The following ME1 variants were observed in gnomAD, a reference collection of about 807,000 sequenced individuals.
ME1 encodes NADP-dependent malic enzyme.
ME1 carries 74 observed loss-of-function variants against 66.4 expected under a neutral mutation model. The observed-to-expected ratio is 1.11, with a 90% CI of 0.92 to 1.35. ME1 has a LOEUF of 1.35. Ranked by LOEUF, ME1 falls within the 40% of genes most tolerant of loss-of-function variation. The probability of loss-of-function intolerance (pLI) is 0.00; values close to 1 mark genes in which losing one functional copy is unlikely to be tolerated. For missense variants in ME1, 750 were observed against 694.1 expected, an observed-to-expected ratio of 1.08 and a Z score of -0.90; for synonymous variants, 251 against 235.6, an observed-to-expected ratio of 1.07 and a Z score of -0.60.
At chr6:83,257,604 C>T (rs1463060998) in intron 6 of ME1, among the ~76,000 whole-genome samples, 2 of 152,096 alleles carry the variant, frequency 1.3e-5, no homozygotes, top group Non-Finnish European at 2.9e-5. Context: ...ATGTATGATG[C>T]CGTTTATCCT....
intron 4 of ME1, among the ~76,000 whole-genome samples, chr6:83,349,056 A>G (rs1337213846): frequency 6.7e-6 from 1 of 150,312 alleles, no homozygotes; most frequent in East Asian, 1.9e-4. Context: ...TTTATTCCCT[A>G]AGTTCTTCTC....
At chr6:83,279,284 C>G (rs955865785) in intron 6 of ME1, among the ~76,000 whole-genome samples, 1 of 152,070 alleles carries the variant, frequency 6.6e-6, no homozygotes, top group African/African-American at 2.4e-5. Flanking sequence ...TAATTGTCAA[C>G]AAAATTACAA....
intron 3 of ME1, among the ~76,000 whole-genome samples, chr6:83,365,033 A>G (rs535434847): frequency 6.6e-6 from 1 of 152,076 alleles, no homozygotes; most frequent in East Asian, 1.9e-4. Context: ...CTGCCCTCCT[A>G]CACAGATTCT....
chr6:83,226,326 C>T (rs1237683479), intron 11 of ME1, among the ~76,000 whole-genome samples: 1 of 152,060 alleles, frequency 6.6e-6, no homozygotes, highest in East Asian at 1.9e-4. Flanking sequence ...ACCCTTGAGG[C>T]CTGTTGAGAT....
chr6:83,229,938 T>G (rs996009181), intron 9 of ME1, among the ~76,000 whole-genome samples: 1 of 152,174 alleles, frequency 6.6e-6, no homozygotes, highest in African/African-American at 2.4e-5. Context: ...TCCTCCCACC[T>G]AAGCCTCTCT....
chr6:83,345,184 T>C (rs1768664259), intron 5 of ME1, among the ~76,000 whole-genome samples: 1 of 152,144 alleles, frequency 6.6e-6, no homozygotes, highest in African/African-American at 2.4e-5. Flanking sequence ...AATGTTAATG[T>C]TCAATGTATA....
chr6:83,353,555 T>TTGTG lies in ME1; in HGVS notation c.363-1420_363-1417dup, dbSNP rs552972210. Among the ~76,000 whole-genome samples the TTGTG allele has an allele frequency of 8.6e-4, 129 of 150,580 alleles. 1 individual carries two copies. Among genetic ancestry groups the TTGTG allele is most frequent in the Non-Finnish European group, 1.4e-3 (94 of 67,480 alleles). ...GGTTTCCACTTAGTTGTTGTTGTTGTTGTGTGTGTGTGTGTGTGGTTTTGT... is the reference window on the plus strand; with the variant it reads ...GGTTTCCACTTAGTTGTTGTTGTTGTTGTGTGTGTGTGTGTGTGTGTGGTTTTGT... On this transcript the variant is annotated intron_variant, in intron 3 of 13. Coordinates refer to ENST00000369705, the MANE Select transcript of ME1 (RefSeq NM_002395.6).
chr6:83,292,196 G>T (rs1168317835), intron 6 of ME1, among the ~76,000 whole-genome samples: 4 of 152,130 alleles, frequency 2.6e-5, no homozygotes, highest in Non-Finnish European at 5.9e-5. Context: ...TGGAGAAGAG[G>T]TGTTCTGTTT....
At position 83,216,550 on chromosome 6, in the gene ME1, A is replaced by G; in HGVS notation, c.1496T>C (p.Leu499Pro). Residue 499 changes from leucine (L) to proline (P), a missense_variant, in exon 13 of 14, where the codon CTT (leucine) becomes CCT (proline). Leu to Pro is a moderately conservative substitution (Grantham distance 98). Transcript: ENST00000369705. Reference sequence around the variant, plus strand: ...TCTAATGGTATTCAAAGGAGGATAAAGCCGACCCTCTTCCAAGTGTTTATC... The same window carrying G: ...TCTAATGGTATTCAAAGGAGGATAAGGCCGACCCTCTTCCAAGTGTTTATC... ...VSDKHLEEGR[L>P]YPPLNTIRDV... The G allele has an allele frequency of 1.2e-6, 2 of 1,611,994 alleles. No individual in the cohort carries two copies. Among genetic ancestry groups the G allele is most frequent in the South Asian group, 2.2e-5 (2 of 90,604 alleles).
At chr6:83,373,314 C>CA (rs1345074804) in intron 3 of ME1, among the ~76,000 whole-genome samples, 3 of 152,194 alleles carry the variant, frequency 2.0e-5, no homozygotes, top group African/African-American at 7.2e-5. Context: ...CAGCTCACTG[C>CA]AACCCGTACC....
At chr6:83,408,673 A>C (rs2128552136) in intron 1 of ME1, among the ~76,000 whole-genome samples, 1 of 152,356 alleles carries the variant, frequency 6.6e-6, no homozygotes, top group South Asian at 2.1e-4. Context: ...TGATGCATAA[A>C]CCATAATGGA....
intron 10 of ME1, among the ~76,000 whole-genome samples, chr6:83,228,043 C>G (rs1180240): frequency 0.48 from 72,922 of 152,028 alleles, 18,536 homozygotes; most frequent in African/African-American, 0.66. Context: ...GTAAGTACTT[C>G]TTTTATTGTA....
chr6:83,352,245 C>A, intron 3 of ME1, 106 bp from the exon 4 acceptor site: 1 of 589,168 alleles, frequency 1.7e-6, no homozygotes, highest in African/African-American at 2.0e-5. Flanking sequence ...TAATTTATCT[C>A]AATTTTTATC....
Position 83,237,741 on chromosome 6 carries a change from A to C in ME1, c.1002T>G (p.Val334=). The C allele has an allele frequency of 6.2e-7, 1 of 1,603,248 alleles. No homozygotes were observed. The highest frequency in any genetic ancestry group is 1.1e-5 in the South Asian group (1 of 89,862). The change falls in exon 9 of 14, where the codon GTT becomes GTG. Residue 334 remains valine, a synonymous_variant. Transcript: ENST00000369705. ...KEKAIKKIWL[V]DSKGLIVKGR... ...CCTTAACTATTAATCCTTTTGAATCAACCAGCCATATCTTTTTGATGGCTT... is the reference window on the plus strand; with the variant it reads ...CCTTAACTATTAATCCTTTTGAATCCACCAGCCATATCTTTTTGATGGCTT...
intron 5 of ME1, among the ~76,000 whole-genome samples, chr6:83,316,328 T>C (rs1205535723): frequency 6.6e-6 from 1 of 152,202 alleles, no homozygotes. Flanking sequence ...ATATCACTTT[T>C]ATTAAATCAG....
chr6:83,218,851 A>G (rs1790038270), intron 12 of ME1, among the ~76,000 whole-genome samples: 1 of 152,204 alleles, frequency 6.6e-6, no homozygotes, highest in Admixed American at 6.5e-5. Flanking sequence ...GAGAAAGAGT[A>G]AAAGAACAGA....
intron 13 of ME1, among the ~76,000 whole-genome samples, chr6:83,214,937 T>TC (rs1358736237): frequency 1.3e-5 from 2 of 152,168 alleles, no homozygotes; most frequent in African/African-American, 4.8e-5. Context: ...TCCCCTGCTG[T>TC]CCCCTGCTTT....
intron 5 of ME1, among the ~76,000 whole-genome samples, chr6:83,332,791 T>C (rs1200283727): frequency 1.3e-5 from 2 of 151,946 alleles, no homozygotes; most frequent in African/African-American, 2.4e-5. Context: ...GGATAAAAAA[T>C]TACCTATTGG....
intron 7 of ME1, among the ~76,000 whole-genome samples, chr6:83,241,586 A>G (rs1313231163): frequency 6.6e-6 from 1 of 151,262 alleles, no homozygotes; most frequent in African/African-American, 2.5e-5. Flanking sequence ...CTAATCTTCC[A>G]TTTATAGAAT....
Sources: gnomAD v4.1 joint callset for allele counts (sites outside exome capture counted in the v4.1 genomes callset) on GRCh38, gnomAD v4.1.1 for gene constraint, MANE v1.5 for transcripts, NCBI Gene and HGNC (gene_info 2026-07-23, HGNC 2026-07-21) for gene names.